ADORA2B: variants seen among roughly 807,000 people sequenced by gnomAD.
ADORA2B encodes adenosine A2b receptor, also known as adenosine receptor A2b.
Under a neutral mutation model 20.8 loss-of-function variants are expected in ADORA2B, and 18 were observed. The observed-to-expected ratio is 0.87, with a 90% confidence interval of 0.60 to 1.29. ADORA2B has a LOEUF of 1.29. ADORA2B is among the 50% of genes most tolerant of loss of function. The pLI is 0.00. For missense variants in ADORA2B, 441 were observed against 422.7 expected (o/e 1.04, Z -0.38); for synonymous variants, 179 against 178.3 (o/e 1.00, Z -0.03).
chr17:15,856,744 CT>C, the ADORA2B span, among the ~76,000 whole-genome samples: 3 of 152,298 alleles, frequency 2.0e-5, no homozygotes, highest in African/African-American at 7.2e-5. Context: ...CATTTTGCCC[CT>C]GCCTTAGAGA....
the ADORA2B span, among the ~76,000 whole-genome samples, chr17:15,936,138 C>T: frequency 6.6e-6 from 1 of 151,978 alleles, no homozygotes; most frequent in Non-Finnish European, 1.5e-5. Flanking sequence ...TGCCCCTTGG[C>T]TTACCAAAGT....
chr17:15,955,820 G>A (rs1734700009), intron 1 of ADORA2B, among the ~76,000 whole-genome samples: 1 of 151,592 alleles, frequency 6.6e-6, no homozygotes, highest in Non-Finnish European at 1.5e-5. Flanking sequence ...CCGGGTTCAA[G>A]TGATTCTCCT....
intron 1 of ADORA2B, among the ~76,000 whole-genome samples, chr17:15,966,999 A>T (rs142436632): frequency 5.9e-5 from 9 of 152,214 alleles, no homozygotes; most frequent in African/African-American, 2.2e-4. Context: ...TTTTGGGGAG[A>T]TGGACAAACG....
At chr17:15,880,790 G>A in the ADORA2B span, among the ~76,000 whole-genome samples, 2 of 152,182 alleles carry the variant, frequency 1.3e-5, no homozygotes, top group African/African-American at 4.8e-5. Flanking sequence ...GCCTAGCAGC[G>A]CCAGGGTTCC....
chr17:15,899,400 T>C, the ADORA2B span, among the ~76,000 whole-genome samples: 1 of 152,192 alleles, frequency 6.6e-6, no homozygotes, highest in Admixed American at 6.5e-5. Context: ...AGTTTCTGGG[T>C]GTAACATATT....
At chr17:15,929,377 C>T in the ADORA2B span, among the ~76,000 whole-genome samples, 1 of 152,166 alleles carries the variant, frequency 6.6e-6, no homozygotes, top group Non-Finnish European at 1.5e-5. Context: ...AGCCCAGGAG[C>T]CATGGGGTGG....
the ADORA2B span, among the ~76,000 whole-genome samples, chr17:15,874,062 G>GTGTATATATATATATATA: frequency 3.0e-5 from 3 of 99,584 alleles, no homozygotes; most frequent in East Asian, 7.7e-4. Flanking sequence ...ATATATATGT[G>GTGTATATATATATATATA]TGTGTGTATA....
chr17:15,902,369 A>G, the ADORA2B span, among the ~76,000 whole-genome samples: 4 of 152,030 alleles, frequency 2.6e-5, no homozygotes, highest in African/African-American at 4.8e-5. Flanking sequence ...ATGCCTGGCT[A>G]ATTTTTGTAT....
chr17:15,932,744 A>G, the ADORA2B span, among the ~76,000 whole-genome samples: 1 of 152,178 alleles, frequency 6.6e-6, no homozygotes, highest in Non-Finnish European at 1.5e-5. Context: ...CCTGTCAAAT[A>G]TCAATTGACC....
At chr17:15,855,016 A>G in the ADORA2B span, among the ~76,000 whole-genome samples, 8 of 148,232 alleles carry the variant, frequency 5.4e-5, no homozygotes, top group Non-Finnish European at 1.0e-4. Flanking sequence ...TGCAACCTCC[A>G]CCTCCTGGGT....
the ADORA2B span, among the ~76,000 whole-genome samples, chr17:15,913,364 T>C: frequency 2.0e-5 from 3 of 152,232 alleles, no homozygotes; most frequent in Non-Finnish European, 4.4e-5. Flanking sequence ...TGACTTGGAA[T>C]TCTTCACTGA....
intron 1 of ADORA2B, among the ~76,000 whole-genome samples, chr17:15,958,018 C>T (rs2535611): frequency 0.96 from 142,870 of 148,694 alleles, 68,670 homozygotes; most frequent in Non-Finnish European, 0.99. Flanking sequence ...GGTACACTTC[C>T]TTTTTTTTTT....
At chr17:15,908,404 G>A in the ADORA2B span, among the ~76,000 whole-genome samples, 15 of 152,338 alleles carry the variant, frequency 9.8e-5, no homozygotes, top group Middle Eastern at 3.4e-3. Context: ...AGCTCCACCT[G>A]TGCTGGTCTT....
chr17:15,901,309 T>C, the ADORA2B span, among the ~76,000 whole-genome samples: 1,105 of 152,014 alleles, frequency 7.3e-3, 17 homozygotes, highest in African/African-American at 0.025. Context: ...CTACTAAAAA[T>C]ACAAAATTAG....
chr17:15,881,222 C>A, the ADORA2B span, among the ~76,000 whole-genome samples: 1 of 152,178 alleles, frequency 6.6e-6, no homozygotes. Flanking sequence ...CTGCCTCAGC[C>A]TCCCTAGTAG....
At chr17:15,865,270 T>G in the ADORA2B span, among the ~76,000 whole-genome samples, 1 of 152,224 alleles carries the variant, frequency 6.6e-6, no homozygotes, top group Non-Finnish European at 1.5e-5. Context: ...TTTTTGTTGT[T>G]GTTGTTTAAG....
Position 15,974,859 on chromosome 17 carries a change from C to T in ADORA2B, c.516C>T (p.Leu172=), listed in dbSNP as rs550436039. ...TNESCCLVKC[L]FENVVPMSYM... ...AAAGCTGCTGCCTTGTGAAGTGTCTCTTTGAGAATGTGGTCCCCATGAGCT... is the reference window on the plus strand; with the variant it reads ...AAAGCTGCTGCCTTGTGAAGTGTCTTTTTGAGAATGTGGTCCCCATGAGCT... Residue 172 remains leucine, a synonymous_variant, in exon 2 of 2, where the codon CTC becomes CTT. Transcript: ENST00000304222. 1 of 1,614,136 alleles carries T rather than the reference C, an allele frequency of 6.2e-7. No homozygotes were observed. Among genetic ancestry groups the T allele is most frequent in the African/African-American group, 1.3e-5 (1 of 75,040 alleles).
chr17:15,877,897 G>A, the ADORA2B span, among the ~76,000 whole-genome samples: 1 of 151,956 alleles, frequency 6.6e-6, no homozygotes, highest in South Asian at 2.1e-4. Context: ...GATTTAGTTT[G>A]CTTAGGTCTG....
intron 1 of ADORA2B, among the ~76,000 whole-genome samples, chr17:15,962,387 A>G (rs1597427597): frequency 6.6e-6 from 1 of 152,048 alleles, no homozygotes; most frequent in Non-Finnish European, 1.5e-5. Flanking sequence ...TTCCTTCCAC[A>G]TTTATCAGTT....
Sources: allele counts gnomAD v4.1 joint callset (sites outside exome capture counted in the v4.1 genomes callset), GRCh38; gene constraint gnomAD v4.1.1; transcripts MANE v1.5; gene names NCBI Gene and HGNC (gene_info 2026-07-23, HGNC 2026-07-21).